Variants in NCOA3 observed in about 807,000 individuals in gnomAD.
NCOA3 encodes the protein nuclear receptor coactivator 3.
A neutral mutation model predicts 158.8 loss-of-function variants in NCOA3; 51 were observed. The ratio of observed to expected loss-of-function variants is 0.32; its 90% confidence interval spans 0.26 to 0.41. The LOEUF (loss-of-function observed/expected upper bound fraction) is 0.41, where lower values mean the gene tolerates loss of function less well. NCOA3 is among the 10% of genes least tolerant of loss of function. The pLI is 1.00. For synonymous variants in NCOA3, 537 were observed against 592.4 expected (o/e 0.91, Z 1.36); for missense variants, 1,510 against 1,746.6 (o/e 0.86, Z 2.41).
chr20:47,558,689 A>G (rs1448933201), intron 1 of NCOA3, among the ~76,000 whole-genome samples: 1 of 151,734 alleles, frequency 6.6e-6, no homozygotes. Flanking sequence ...CATCTTCCTC[A>G]TTGTTTGGCA....
intron 8 of NCOA3, chr20:47,630,363 A>G (rs1235595438): frequency 1.3e-5 from 2 of 151,574 alleles, no homozygotes; most frequent in African/African-American, 2.4e-5. Flanking sequence ...ACCTTTCACT[A>G]TGAAGCCCCA....
rs1428810118 is a variant in NCOA3, at chr20:47,583,265, A to C, written c.-20+4A>C. ...CATCCTTTGACTGGTTAGCCAGGTA[A>C]TTCAGCTTTAGTTTGATTTGATCCT... is the stretch of plus-strand genomic sequence containing the variant. On this transcript the variant is annotated splice_donor_region_variant and intron_variant, in intron 2 of 22. Transcript: ENST00000371998. The C allele has an allele frequency of 2.3e-5, 9 of 398,486 alleles. No individual in the cohort carries two copies. The highest frequency in any genetic ancestry group is 8.8e-5 in the Admixed American group (2 of 22,706). The allele number at this position is 398,486 out of a possible 1,614,324, so 24.7% of individuals were successfully genotyped here. A position where few individuals can be genotyped will look rare whatever the true frequency, so the allele number is the denominator to read the frequency against.
At chr20:47,580,686 G>A (rs767579907) in intron 1 of NCOA3, among the ~76,000 whole-genome samples, 1 of 151,848 alleles carries the variant, frequency 6.6e-6, no homozygotes, top group Non-Finnish European at 1.5e-5. Flanking sequence ...CATTTTAGAA[G>A]TCAAACCTGA....
intron 2 of NCOA3, among the ~76,000 whole-genome samples, chr20:47,612,522 T>C (rs2086061485): frequency 6.6e-6 from 1 of 152,148 alleles, no homozygotes; most frequent in Admixed American, 6.5e-5. Context: ...AAAAAAAAAT[T>C]AGTGACTTAA....
intron 1 of NCOA3, among the ~76,000 whole-genome samples, chr20:47,537,978 C>G (rs1288477831): frequency 1.3e-5 from 2 of 152,122 alleles, no homozygotes; most frequent in Non-Finnish European, 2.9e-5. Flanking sequence ...CTCCTGGGTT[C>G]AAGTGATTCT....
chr20:47,572,052 G>T (rs914476941), intron 1 of NCOA3, among the ~76,000 whole-genome samples: 2 of 152,060 alleles, frequency 1.3e-5, no homozygotes, highest in African/African-American at 4.8e-5. Context: ...TTATGTAGAT[G>T]GGTTCTTTCC....
Position 47,651,281 on chromosome 20 carries a change from A to G in NCOA3, c.3946+5A>G, listed in dbSNP as rs771284266. Reference sequence around the variant, plus strand: ...TTCCATATCAACCAAATTATGGTAAATCTGACAATGAAAATGTGCCTTCCC... The same window carrying G: ...TTCCATATCAACCAAATTATGGTAAGTCTGACAATGAAAATGTGCCTTCCC... On this transcript the variant is annotated splice_donor_5th_base_variant and intron_variant, in intron 20 of 22. Transcript: ENST00000371998. 25 of 1,595,180 alleles carry G rather than the reference A, an allele frequency of 1.6e-5. 1 individual carries two copies. The highest frequency in any genetic ancestry group is 2.1e-5 in the Non-Finnish European group (24 of 1,166,696).
At chr20:47,644,341 G>A (rs960400047) in intron 17 of NCOA3, among the ~76,000 whole-genome samples, 2 of 151,900 alleles carry the variant, frequency 1.3e-5, no homozygotes, top group South Asian at 2.1e-4. Context: ...GGGTTTCACC[G>A]TGTTAGCGAG....
chr20:47,572,915 G>C (rs2085316572), intron 1 of NCOA3, among the ~76,000 whole-genome samples: 1 of 152,030 alleles, frequency 6.6e-6, no homozygotes, highest in South Asian at 2.1e-4. Context: ...ACCACTATAG[G>C]GTTATTATTT....
chr20:47,535,014 G>C (rs1023458141), intron 1 of NCOA3, among the ~76,000 whole-genome samples: 1 of 148,274 alleles, frequency 6.7e-6, no homozygotes, highest in African/African-American at 2.4e-5. Flanking sequence ...GTGTTGCCCA[G>C]GCTTGTTTTT....
intron 2 of NCOA3, among the ~76,000 whole-genome samples, chr20:47,595,167 C>T (rs1160507113): frequency 4.6e-5 from 7 of 151,012 alleles, no homozygotes; most frequent in East Asian, 1.9e-4. Flanking sequence ...GGCGCCATCT[C>T]GGCTCACTGC....
intron 1 of NCOA3, among the ~76,000 whole-genome samples, chr20:47,522,440 G>C (rs2084357898): frequency 6.9e-6 from 1 of 145,688 alleles, no homozygotes; most frequent in African/African-American, 2.6e-5. Context: ...TTTAAGGAGA[G>C]AGTTTAATAG....
chr20:47,639,295 CT>C, intron 14 of NCOA3, 93 bp downstream of exon 14: 1 of 1,115,002 alleles, frequency 9.0e-7, no homozygotes, highest in Non-Finnish European at 1.3e-6. Context: ...TAAATAATAA[CT>C]TTTTGAATAA....
At chr20:47,516,947 G>T (rs1309078615) in intron 1 of NCOA3, among the ~76,000 whole-genome samples, 1 of 151,758 alleles carries the variant, frequency 6.6e-6, no homozygotes. Context: ...AATTTGCTGG[G>T]TGCAGTGACT....
At chr20:47,535,141 G>A (rs1602362022) in intron 1 of NCOA3, among the ~76,000 whole-genome samples, 1 of 151,984 alleles carries the variant, frequency 6.6e-6, no homozygotes, top group African/African-American at 2.4e-5. Context: ...GCTCACTGCA[G>A]CCTCAAACTC....
intron 1 of NCOA3, among the ~76,000 whole-genome samples, chr20:47,557,362 T>C (rs1204034433): frequency 7.9e-5 from 12 of 152,218 alleles, no homozygotes; most frequent in Admixed American, 5.2e-4. Flanking sequence ...CTTGGCTTTC[T>C]CTAATCCTGA....
At chr20:47,639,519 G>A in intron 14 of NCOA3, 58 bp from the exon 15 acceptor site, 1 of 1,593,900 alleles carries the variant, frequency 6.3e-7, no homozygotes, top group Admixed American at 1.7e-5. Flanking sequence ...TACTTACATG[G>A]TATAAGAAGG....
At chr20:47,613,471 G>C (rs116262459) in intron 2 of NCOA3, among the ~76,000 whole-genome samples, 1 of 142,556 alleles carries the variant, frequency 7.0e-6, no homozygotes, top group African/African-American at 2.6e-5. Context: ...CATGCAAAAC[G>C]TTTGAGCTGA....
intron 17 of NCOA3, among the ~76,000 whole-genome samples, 192 bp downstream of exon 17, chr20:47,642,576 A>C (rs2086628301): frequency 6.6e-6 from 1 of 152,214 alleles, no homozygotes; most frequent in Non-Finnish European, 1.5e-5. Context: ...GTTAAAATAG[A>C]AAATATACTT....
Sources: gnomAD v4.1 joint callset for allele counts (sites outside exome capture counted in the v4.1 genomes callset) on GRCh38, gnomAD v4.1.1 for gene constraint, MANE v1.5 for transcripts, NCBI Gene and HGNC (gene_info 2026-07-23, HGNC 2026-07-21) for gene names.